CRACD: variants seen among roughly 807,000 people sequenced by gnomAD.
CRACD encodes the protein capping protein-inhibiting regulator of actin dynamics.
In CRACD, 56 loss-of-function variants were observed where a neutral mutation model predicts 106.8. The observed-to-expected ratio is 0.52, with a 90% CI of 0.42 to 0.66. CRACD has a LOEUF of 0.66. Among genes scored for constraint, CRACD ranks in the 30% least tolerant of loss-of-function variants. The pLI is 0.00. For synonymous variants in CRACD, 754 were observed against 670.8 expected (o/e 1.12, Z -1.92); for missense variants, 1,730 against 1,623.2 (o/e 1.07, Z -1.13).
At chr4:56,301,355 GC>G in intron 4 of CRACD, 1 of 601,624 alleles carries the variant, frequency 1.7e-6, no homozygotes, top group Non-Finnish European at 2.6e-6. Flanking sequence ...CTAAGAGACC[GC>G]CCCCTTGTAG....
At chr4:56,095,762 C>A (rs1034140197) in intron 1 of CRACD, among the ~76,000 whole-genome samples, 2 of 152,146 alleles carry the variant, frequency 1.3e-5, no homozygotes, top group Admixed American at 6.5e-5. Flanking sequence ...TATAATCCAA[C>A]TTATCGAGGT....
At chr4:56,299,888 T>C (rs1246168395) in intron 4 of CRACD, among the ~76,000 whole-genome samples, 1 of 151,252 alleles carries the variant, frequency 6.6e-6, no homozygotes, top group Non-Finnish European at 1.5e-5. Context: ...CCTCAGTAGC[T>C]ACTGATATGC....
rs1313842775 is a variant in CRACD, at chr4:56,330,269, T to C, written c.*2465T>C. On this transcript the variant is annotated 3_prime_UTR_variant, in exon 11 of 11. Coordinates refer to ENST00000682029, the MANE Select transcript of CRACD (RefSeq NM_001393381.1). ...TGATTAACCTCTGTTCATAGACTTA[T>C]ATATAAAACTAGAGGGTTTTTTGTT... 6.6e-6 allele frequency among the ~76,000 whole-genome samples: 1 copy of C among 152,100 alleles called. No homozygotes were observed. The highest frequency in any genetic ancestry group is 1.5e-5 in the Non-Finnish European group (1 of 68,010).
Position 56,303,396 on chromosome 4 carries a change from T to A in CRACD, c.121-4139T>A, listed in dbSNP as rs74823461. 7.0e-4 allele frequency among the ~76,000 whole-genome samples: 107 copies of A among 152,136 alleles called. No individual in the cohort carries two copies. The East Asian group carries it at 0.019, about 27-fold the overall frequency. ...GGAACCTAGGGATATATATTTTTTT[T>A]AAAGATGGGAGGAGTAGTAGTTTAT... On this transcript the variant is annotated intron_variant, in intron 4 of 10. Transcript: ENST00000682029.
intron 2 of CRACD, among the ~76,000 whole-genome samples, chr4:56,239,667 T>C (rs2109557726): frequency 6.6e-6 from 1 of 152,184 alleles, no homozygotes; most frequent in East Asian, 1.9e-4. Flanking sequence ...TAAAAACAAG[T>C]GTCTAAATCT....
chr4:56,319,597 C>G (rs113286263), intron 8 of CRACD, among the ~76,000 whole-genome samples: 7,914 of 151,270 alleles, frequency 0.052, 301 homozygotes, highest in East Asian at 0.2. Flanking sequence ...GAGTGAGACC[C>G]TGTCTCAAAA....
chr4:56,303,718 C>G (rs1356490172), intron 4 of CRACD, among the ~76,000 whole-genome samples: 3 of 152,288 alleles, frequency 2.0e-5, no homozygotes, highest in African/African-American at 7.2e-5. Flanking sequence ...AGGGGCGAGG[C>G]CTTGGCCTTG....
In CRACD at chr4:56,314,440, G is replaced by C; in HGVS notation, c.938G>C (p.Arg313Pro). The change falls in exon 8 of 11, where the codon CGC (arginine) becomes CCC (proline). Residue 313 changes from arginine (R) to proline (P), a missense_variant. Arg to Pro is a moderately radical substitution (Grantham distance 103). Coordinates refer to ENST00000682029, the MANE Select transcript of CRACD (RefSeq NM_001393381.1). The surrounding 1 kb of genome is among the most constrained non-coding windows in gnomAD (Gnocchi z 4.4). ...CGGAGGGAGCGTGAGGAGCGCGAGCGCCTGGAGGCGGAGGAGGAGCGAAGG... is the reference window on the plus strand; with the variant it reads ...CGGAGGGAGCGTGAGGAGCGCGAGCCCCTGGAGGCGGAGGAGGAGCGAAGG... Reference protein sequence around the residue: ...AERREREERERLEAEEERRRL... With the variant: ...AERREREEREPLEAEEERRRL... 2 of 1,490,634 alleles carry C rather than the reference G, an allele frequency of 1.3e-6. No individual in the cohort carries two copies. Among genetic ancestry groups the C allele is most frequent in the Non-Finnish European group, 1.8e-6 (2 of 1,117,392 alleles). The allele number at this position is 1,490,634 out of a possible 1,614,324, so 92.3% of individuals were successfully genotyped here.
chr4:56,169,656 C>T (rs1394226072), intron 1 of CRACD, among the ~76,000 whole-genome samples: 1 of 152,096 alleles, frequency 6.6e-6, no homozygotes, highest in Non-Finnish European at 1.5e-5. Flanking sequence ...ACCACCACAC[C>T]CAGCTAATTT....
chr4:56,076,050 C>T (rs1215208649), intron 1 of CRACD, among the ~76,000 whole-genome samples: 1 of 152,112 alleles, frequency 6.6e-6, no homozygotes. Context: ...ATCCTAACCC[C>T]AAGTACCTCA....
chr4:56,260,882 TATCCATCC>T (rs11276099), intron 2 of CRACD, among the ~76,000 whole-genome samples: 116 of 149,964 alleles, frequency 7.7e-4, no homozygotes, highest in East Asian at 4.7e-3. Flanking sequence ...TCTGTCTGTG[TATCCATCC>T]ATCCATCCAT....
intron 2 of CRACD, among the ~76,000 whole-genome samples, chr4:56,244,524 C>T (rs1217483529): frequency 6.6e-6 from 1 of 152,168 alleles, no homozygotes; most frequent in Admixed American, 6.5e-5. Context: ...GTATTTTTTA[C>T]TTTATTGCTA....
chr4:56,114,307 C>T (rs1734212975), intron 1 of CRACD, among the ~76,000 whole-genome samples: 1 of 151,716 alleles, frequency 6.6e-6, no homozygotes, highest in Non-Finnish European at 1.5e-5. Flanking sequence ...CTCCACTTTT[C>T]ATGCAAGAAA....
intron 3 of CRACD, among the ~76,000 whole-genome samples, chr4:56,292,938 ATGT>A (rs1348928723): frequency 6.6e-6 from 1 of 152,220 alleles, no homozygotes; most frequent in Non-Finnish European, 1.5e-5. Flanking sequence ...GGTGACCTAG[ATGT>A]TGGAGTTTCA....
intron 1 of CRACD, among the ~76,000 whole-genome samples, chr4:56,136,913 A>G (rs901518775): frequency 6.6e-5 from 10 of 152,210 alleles, no homozygotes; most frequent in African/African-American, 2.4e-4. Flanking sequence ...GATCCACTGC[A>G]TATTAACTTT....
At chr4:56,181,316 G>A (rs921978003) in intron 2 of CRACD, among the ~76,000 whole-genome samples, 5 of 152,214 alleles carry the variant, frequency 3.3e-5, no homozygotes, top group Non-Finnish European at 7.4e-5. Context: ...GCCCTAAGGA[G>A]GGAATGCAGC....
At chr4:56,128,872 GC>G (rs1734738233) in intron 1 of CRACD, among the ~76,000 whole-genome samples, 2 of 151,990 alleles carry the variant, frequency 1.3e-5, no homozygotes, top group African/African-American at 4.8e-5. Flanking sequence ...AATAAACTTA[GC>G]TATATTCACT....
intron 3 of CRACD, among the ~76,000 whole-genome samples, chr4:56,295,245 C>T (rs1052969158): frequency 6.6e-6 from 1 of 152,030 alleles, no homozygotes; most frequent in Admixed American, 6.6e-5. Flanking sequence ...CTAACAGTGC[C>T]TACCACATAA....
chr4:56,050,316 A>C (rs1430377853), intron 1 of CRACD, among the ~76,000 whole-genome samples: 1 of 84,902 alleles, frequency 1.2e-5, no homozygotes, highest in African/African-American at 4.0e-5. Flanking sequence ...GTGTGTGTGT[A>C]TTGGGGGTGG....
Sources: allele counts gnomAD v4.1 joint callset (sites outside exome capture counted in the v4.1 genomes callset), GRCh38; gene constraint gnomAD v4.1.1; non-coding constraint Gnocchi (gnomAD v3.1); transcripts MANE v1.5; gene names NCBI Gene and HGNC (gene_info 2026-07-23, HGNC 2026-07-21).